The following DIAPH2 variants were observed in gnomAD, a reference collection of about 807,000 sequenced individuals.
DIAPH2 encodes protein diaphanous homolog 2.
DIAPH2 carries 35 observed loss-of-function variants against 92.7 expected under a neutral mutation model. The observed-to-expected ratio is 0.38, with a 90% CI of 0.29 to 0.50. The LOEUF is 0.50. DIAPH2 is among the 20% of genes least tolerant of loss of function. The pLI, the probability that DIAPH2 is intolerant of heterozygous loss-of-function variation, is 0.94. For synonymous variants in DIAPH2, 301 were observed against 280.4 expected, an observed-to-expected ratio of 1.07 and a Z score of -0.73; for missense variants, 701 against 819.5, an observed-to-expected ratio of 0.86 and a Z score of 1.77.
In DIAPH2 at chrX:96,939,886, A is replaced by C. The variant is rs1461199121; in HGVS notation, c.1325+504A>C. The stretch of plus-strand genomic sequence containing the variant: ...CACCGTGTTAGCCAGGATGGTCTCG[A>C]TCTCCTGACCTCGTGATCCGCCCGT... On this transcript the variant is annotated intron_variant, in intron 12 of 26. Transcript: ENST00000324765. 2.4e-5 allele frequency among the ~76,000 whole-genome samples: 2 copies of C among 83,039 alleles called. 1 individual carries two copies. The highest frequency in any genetic ancestry group is 4.4e-5 in the Non-Finnish European group (2 of 45,044). 72.1% of individuals were successfully genotyped at this position (83,039 alleles called of 115,157 possible). A position where few individuals can be genotyped will look rare whatever the true frequency, so the allele number is the denominator to read the frequency against.
chrX:97,084,156 G>A (rs1020769797), intron 19 of DIAPH2, among the ~76,000 whole-genome samples: 1 of 110,061 alleles, frequency 9.1e-6, no homozygotes, highest in Non-Finnish European at 1.9e-5. Flanking sequence ...TCATGGTAAC[G>A]ACTTCTTCTC....
At chrX:97,073,985 A>G (rs73250782) in intron 18 of DIAPH2, among the ~76,000 whole-genome samples, 1,141 of 112,016 alleles carry the variant, frequency 0.01, 11 homozygotes, top group Non-Finnish European at 0.016. Context: ...TAGATTGTGG[A>G]GATCTCATTT....
chrX:97,070,654 G>T (rs2066663503), intron 17 of DIAPH2, among the ~76,000 whole-genome samples: 1 of 111,776 alleles, frequency 8.9e-6, no homozygotes, highest in Admixed American at 9.5e-5. Flanking sequence ...AGCCTGTCTA[G>T]TTAGAGAACT....
rs774345860 is a variant in DIAPH2 at position 97,198,307 on chromosome X, T to TGC, written c.2720-49407_2720-49406insCG. ...ACACACACACACACACACACACATA[T>TGC]GTGTATATACATATATATATACACG... On this transcript the variant is annotated intron_variant, in intron 22 of 26. Coordinates refer to ENST00000324765, the MANE Select transcript of DIAPH2 (RefSeq NM_006729.5). Among the ~76,000 whole-genome samples, 872 of 91,468 alleles carry TGC rather than the reference T, an allele frequency of 9.5e-3. 10 individuals carry two copies. The highest frequency in any genetic ancestry group is 0.053 in the African/African-American group (827 of 15,560). The allele number at this position is 91,468 out of a possible 115,157, so 79.4% of individuals were successfully genotyped here.
At chrX:97,361,532 A>T in intron 24 of DIAPH2, among the ~76,000 whole-genome samples, 1 of 112,480 alleles carries the variant, frequency 8.9e-6, no homozygotes, top group Non-Finnish European at 1.9e-5. Flanking sequence ...CTAGTGACAT[A>T]AAACATAACT....
intron 24 of DIAPH2, among the ~76,000 whole-genome samples, chrX:97,349,742 T>C (rs907357945): frequency 5.4e-5 from 6 of 110,625 alleles, no homozygotes; most frequent in Non-Finnish European, 9.4e-5. Context: ...GACACATACT[T>C]TTTAGCTAAC....
At chrX:96,854,795 AAAAC>A (rs1276389006) in intron 4 of DIAPH2, among the ~76,000 whole-genome samples, 1 of 106,375 alleles carries the variant, frequency 9.4e-6, no homozygotes, top group Non-Finnish European at 1.9e-5. Flanking sequence ...TCCACAATTT[AAAAC>A]ACATGAGTTT....
intron 24 of DIAPH2, among the ~76,000 whole-genome samples, chrX:97,372,696 C>T (rs146171170): frequency 1.7e-3 from 192 of 111,973 alleles, no homozygotes; most frequent in Non-Finnish European, 3.1e-3. Flanking sequence ...TAAAGCAGGG[C>T]GTGGTGGCTC....
chrX:97,259,740 G>T (rs1008996004), intron 23 of DIAPH2, among the ~76,000 whole-genome samples: 1 of 112,641 alleles, frequency 8.9e-6, no homozygotes, highest in African/African-American at 3.2e-5. Flanking sequence ...ATAATAACTT[G>T]CATTTATATA....
chrX:96,696,973 G>A (rs58947831), intron 1 of DIAPH2, among the ~76,000 whole-genome samples: 3,766 of 111,407 alleles, frequency 0.034, 165 homozygotes, highest in African/African-American at 0.12. Flanking sequence ...AAGTCCCATC[G>A]TGGGTAGACC....
At chrX:97,011,531 G>C (rs750566920) in intron 17 of DIAPH2, among the ~76,000 whole-genome samples, 1 of 111,722 alleles carries the variant, frequency 9.0e-6, no homozygotes, top group Non-Finnish European at 1.9e-5. Context: ...TCTTAAATTT[G>C]CCTGTTAAGA....
chrX:96,906,136 A>G (rs891841742), intron 5 of DIAPH2, among the ~76,000 whole-genome samples: 1 of 112,408 alleles, frequency 8.9e-6, no homozygotes, highest in Non-Finnish European at 1.9e-5. Context: ...CAAAAAACAA[A>G]AAAAAGAGGT....
At chrX:97,045,768 A>T (rs1338772788) in intron 17 of DIAPH2, among the ~76,000 whole-genome samples, 1 of 110,256 alleles carries the variant, frequency 9.1e-6, no homozygotes, top group African/African-American at 3.3e-5. Flanking sequence ...GTTTGGCTAG[A>T]CAATTCTTGA....
intron 3 of DIAPH2, among the ~76,000 whole-genome samples, chrX:96,747,716 G>A (rs1391186535): frequency 1.8e-5 from 2 of 111,731 alleles, no homozygotes; most frequent in African/African-American, 3.2e-5. Flanking sequence ...TGCTATTATA[G>A]GTTTCTTTCT....
intron 22 of DIAPH2, among the ~76,000 whole-genome samples, chrX:97,207,064 A>G (rs566118709): frequency 9.0e-6 from 1 of 111,350 alleles, no homozygotes; most frequent in African/African-American, 3.3e-5. Flanking sequence ...TGGACCATGA[A>G]TTGAACCTAC....
At chrX:97,406,644 C>T (rs1026825882) in intron 25 of DIAPH2, among the ~76,000 whole-genome samples, 2 of 111,602 alleles carry the variant, frequency 1.8e-5, no homozygotes, top group Non-Finnish European at 3.8e-5. Flanking sequence ...GGATAAATTT[C>T]CCCTATACTA....
At chrX:97,011,980 G>A (rs769218396) in intron 17 of DIAPH2, among the ~76,000 whole-genome samples, 1 of 107,423 alleles carries the variant, frequency 9.3e-6, no homozygotes, top group Non-Finnish European at 1.9e-5. Flanking sequence ...ATTTATATAT[G>A]CATGTAAGGC....
intron 1 of DIAPH2, among the ~76,000 whole-genome samples, chrX:96,733,386 C>G (rs2064067675): frequency 9.0e-6 from 1 of 110,804 alleles, no homozygotes; most frequent in Admixed American, 9.6e-5. Flanking sequence ...AAAGAGCATT[C>G]CAGGCAGAGA....
intron 5 of DIAPH2, among the ~76,000 whole-genome samples, chrX:96,906,211 CCT>C (rs778494797): frequency 3.6e-4 from 40 of 112,520 alleles, no homozygotes; most frequent in Non-Finnish European, 5.8e-4. Context: ...AAATGATGCC[CCT>C]GTTTCAGCCT....
Sources: gnomAD v4.1 joint callset for allele counts (sites outside exome capture counted in the v4.1 genomes callset) on GRCh38, gnomAD v4.1.1 for gene constraint, MANE v1.5 for transcripts, NCBI Gene and HGNC (gene_info 2026-07-23, HGNC 2026-07-21) for gene names.